Variants in RAG1 observed in about 807,000 individuals in gnomAD.
RAG1 encodes the protein V(D)J recombination-activating protein 1.
In RAG1, 35 loss-of-function variants were observed where a neutral mutation model predicts 62.7. The observed-to-expected ratio is 0.56, with a 90% CI of 0.43 to 0.74. The LOEUF is 0.74. Among genes scored for constraint, RAG1 ranks in the 30% least tolerant of loss-of-function variants. The pLI is 0.00. For missense variants in RAG1, 1,169 were observed against 1,278.6 expected (o/e 0.91, Z 1.31); for synonymous variants, 461 against 470.3 (o/e 0.98, Z 0.26).
chr11:36,563,969 C>T (rs1292548576), upstream of RAG1, among the ~76,000 whole-genome samples: 1 of 152,154 alleles, frequency 6.6e-6, no homozygotes, highest in Non-Finnish European at 1.5e-5. Context: ...CCTCCTATGT[C>T]AATGTTTGAA....
chr11:36,570,695 C>A (rs1426608391), intron 1 of RAG1, among the ~76,000 whole-genome samples: 1 of 152,138 alleles, frequency 6.6e-6, no homozygotes, highest in Non-Finnish European at 1.5e-5. Context: ...TATTGCTTGT[C>A]ATTTGGATAC....
chr11:36,548,909 T>C lies in RAG1; in HGVS notation c.-412+12875T>C, dbSNP rs1385369509. Among the ~76,000 whole-genome samples, 3 of 152,198 alleles carry C rather than the reference T, an allele frequency of 2.0e-5. No individual in the cohort carries two copies. The South Asian group carries it at 6.2e-4, about 31-fold the overall frequency. On this transcript the variant is annotated intron_variant and NMD_transcript_variant, in intron 3 of 9. Coordinates refer to the RAG1 transcript ENST00000534663. ...TACAGGAACCAAAACAGCATGGTACTGGTACCAAAACAGGTATATAGACCC... is the reference window on the plus strand; with the variant it reads ...TACAGGAACCAAAACAGCATGGTACCGGTACCAAAACAGGTATATAGACCC...
chr11:36,526,091 T>C (rs1160713085), intron 2 of RAG1, among the ~76,000 whole-genome samples: 2 of 152,226 alleles, frequency 1.3e-5, no homozygotes, highest in African/African-American at 4.8e-5. Context: ...TGCAAGTATT[T>C]TGTTAAGAAT....
intron 2 of RAG1, among the ~76,000 whole-genome samples, chr11:36,524,781 C>T (rs114153806): frequency 1.5e-4 from 23 of 152,136 alleles, no homozygotes; most frequent in Non-Finnish European, 3.2e-4. Flanking sequence ...CATGACCCAC[C>T]ACACCTGGCC....
At chr11:36,536,897 T>G, downstream of RAG1, among the ~76,000 whole-genome samples, 2 of 149,564 alleles carry the variant, frequency 1.3e-5, no homozygotes, top group African/African-American at 2.5e-5. Flanking sequence ...TAGCTGGGAC[T>G]ACAGGCGCCT....
intron 2 of RAG1, among the ~76,000 whole-genome samples, chr11:36,532,510 G>A (rs1860271276): frequency 6.6e-6 from 1 of 152,082 alleles, no homozygotes; most frequent in Non-Finnish European, 1.5e-5. Context: ...CCAGAAATTT[G>A]TCTCTAGTAC....
chr11:36,528,003 T>A (rs534632953), intron 2 of RAG1, among the ~76,000 whole-genome samples: 1 of 151,876 alleles, frequency 6.6e-6, no homozygotes, highest in African/African-American at 2.4e-5. Flanking sequence ...AAATATACAA[T>A]CATGTCATCT....
At position 36,574,024 on chromosome 11, in the gene RAG1, T is replaced by A; in HGVS notation, c.720T>A (p.Leu240=). The A allele has an allele frequency of 3.1e-6, 5 of 1,614,096 alleles. No individual in the cohort carries two copies. Among genetic ancestry groups the A allele is most frequent in the Non-Finnish European group, 4.2e-6 (5 of 1,180,022 alleles). The change falls in exon 2 of 2, where the codon CTT becomes CTA. Residue 240 remains leucine, a synonymous_variant. Coordinates refer to ENST00000299440, the MANE Select transcript of RAG1 (RefSeq NM_000448.3). ...LQLSKKLKTV[L]DQARQARQHK... ...TCAGCAAAAAACTCAAAACTGTGCT[T>A]GACCAAGCAAGACAAGCCCGTCAGC...
At chr11:36,530,368 T>G (rs1358823023) in intron 2 of RAG1, among the ~76,000 whole-genome samples, 1 of 151,860 alleles carries the variant, frequency 6.6e-6, no homozygotes, top group African/African-American at 2.4e-5. Context: ...TTCTGCTTGC[T>G]TTGACTTTAT....
In RAG1 at chr11:36,575,929, C is replaced by T. The variant is rs200264827; in HGVS notation, c.2625C>T (p.Ser875=). Reference sequence around the variant, plus strand: ...ATGCAGTTTGTGAGTTAATTCCTTCCGAGGAGAGGCACGAGGCTCTGAGGG... The same window carrying T: ...ATGCAGTTTGTGAGTTAATTCCTTCTGAGGAGAGGCACGAGGCTCTGAGGG... ...TVDAVCELIP[S]EERHEALREL... Residue 875 remains serine, a synonymous_variant, in exon 2 of 2, where the codon TCC becomes TCT. Coordinates refer to ENST00000299440, the MANE Select transcript of RAG1 (RefSeq NM_000448.3). This position sits in a 1 kb window ranked among gnomAD's most constrained non-coding sequence, Gnocchi z 4.1. The T allele has an allele frequency of 1.7e-5, 27 of 1,613,978 alleles. No homozygotes were observed. The Admixed American group carries it at 2.2e-4, about 13-fold the overall frequency.
At chr11:36,570,281 G>A (rs1466633964) in intron 1 of RAG1, among the ~76,000 whole-genome samples, 1 of 152,126 alleles carries the variant, frequency 6.6e-6, no homozygotes, top group Non-Finnish European at 1.5e-5. Context: ...TCCCAAGAAT[G>A]TATGGAGATA....
In RAG1 at chr11:36,574,016, A is replaced by G. The variant is rs1850793100; in HGVS notation, c.712A>G (p.Thr238Ala). The change falls in exon 2 of 2, where the codon ACT becomes GCT. Residue 238 changes from threonine to alanine, a missense_variant. By Grantham distance (58) the Thr-to-Ala change is moderately conservative. Around this residue, in one of 2 missense-constraint regions of RAG1, gnomAD observed 369 missense variants for 335.3 expected, o/e 1.10. Coordinates refer to ENST00000299440, the MANE Select transcript of RAG1 (RefSeq NM_000448.3). ...CTTGCAGCTCAGCAAAAAACTCAAAACTGTGCTTGACCAAGCAAGACAAGC... is the reference window on the plus strand; with the variant it reads ...CTTGCAGCTCAGCAAAAAACTCAAAGCTGTGCTTGACCAAGCAAGACAAGC... ...PNLQLSKKLK[T>A]VLDQARQARQ... 2 of 1,613,916 alleles carry G rather than the reference A, an allele frequency of 1.2e-6. No homozygotes were observed. Among genetic ancestry groups the G allele is most frequent in the Non-Finnish European group, 8.5e-7 (1 of 1,180,022 alleles).
chr11:36,544,440 G>A (rs1467400636), intron 3 of RAG1, among the ~76,000 whole-genome samples: 1 of 152,142 alleles, frequency 6.6e-6, no homozygotes, highest in Non-Finnish European at 1.5e-5. Context: ...GGTACCAGAG[G>A]AATCTAAGAA....
intron 2 of RAG1, among the ~76,000 whole-genome samples, chr11:36,535,443 A>G (rs1479887870): frequency 6.6e-6 from 1 of 152,190 alleles, no homozygotes; most frequent in Non-Finnish European, 1.5e-5. Flanking sequence ...TAATTATAAT[A>G]TATGCATTGT....
At chr11:36,537,356 A>T (rs917289796), downstream of RAG1, among the ~76,000 whole-genome samples, 6 of 152,202 alleles carry the variant, frequency 3.9e-5, no homozygotes, top group Non-Finnish European at 5.9e-5. Context: ...GGAGGTGATA[A>T]ACATATTTAG....
intron 1 of RAG1, among the ~76,000 whole-genome samples, chr11:36,570,811 G>A (rs1044597709): frequency 1.3e-5 from 2 of 152,126 alleles, no homozygotes; most frequent in Non-Finnish European, 2.9e-5. Flanking sequence ...TTTGCCATTT[G>A]TATGTCTTCC....
intron 1 of RAG1, among the ~76,000 whole-genome samples, chr11:36,569,907 A>G (rs4151005): frequency 0.035 from 5,275 of 152,214 alleles, 290 homozygotes; most frequent in African/African-American, 0.12. Context: ...TTGTCATTCT[A>G]TTCTCTGCTT....
At chr11:36,545,148 A>G (rs1238557798) in intron 3 of RAG1, among the ~76,000 whole-genome samples, 1 of 152,226 alleles carries the variant, frequency 6.6e-6, no homozygotes, top group Non-Finnish European at 1.5e-5. Context: ...AATTTTTTAC[A>G]CATATCTTTT....
upstream of RAG1, chr11:36,563,586 C>T (rs1056353090): frequency 6.7e-6 from 1 of 148,460 alleles, no homozygotes; most frequent in Non-Finnish European, 1.5e-5. Context: ...TTTTCCATCT[C>T]TCTCCAGAAG....
Sources: allele counts gnomAD v4.1 joint callset (sites outside exome capture counted in the v4.1 genomes callset), GRCh38; gene constraint gnomAD v4.1.1; regional missense constraint gnomAD v4.1.1; non-coding constraint Gnocchi (gnomAD v3.1); transcripts MANE v1.5; gene names NCBI Gene and HGNC (gene_info 2026-07-23, HGNC 2026-07-21).